INPP4B: variants seen among roughly 807,000 people sequenced by gnomAD.
INPP4B encodes the protein inositol polyphosphate-4-phosphatase type II B.
INPP4B carries 55 observed loss-of-function variants against 122.5 expected under a neutral mutation model. The observed-to-expected ratio is 0.45, with a 90% CI of 0.36 to 0.56. The LOEUF is 0.56. Among genes scored for constraint, INPP4B ranks in the 20% least tolerant of loss-of-function variants. INPP4B has a pLI of 0.00. For synonymous variants in INPP4B, 403 were observed against 388.7 expected, an observed-to-expected ratio of 1.04 and a Z score of -0.43; for missense variants, 1,000 against 1,097.7, an observed-to-expected ratio of 0.91 and a Z score of 1.26.
intron 1 of INPP4B, among the ~76,000 whole-genome samples, chr4:142,845,413 G>C (rs552286970): frequency 6.6e-6 from 1 of 152,286 alleles, no homozygotes; most frequent in South Asian, 2.1e-4. Context: ...CTGAGCGCCA[G>C]AGAGCTTGAG....
chr4:142,830,677 T>C (rs1287902120), intron 1 of INPP4B, among the ~76,000 whole-genome samples: 1 of 151,418 alleles, frequency 6.6e-6, no homozygotes, highest in Non-Finnish European at 1.5e-5. Flanking sequence ...AATGCAGAGG[T>C]TCAGGGCTTA....
intron 3 of INPP4B, among the ~76,000 whole-genome samples, chr4:142,458,259 T>A (rs1249388649): frequency 6.6e-6 from 1 of 152,024 alleles, no homozygotes; most frequent in Admixed American, 6.6e-5. Flanking sequence ...ATAGAAAAAG[T>A]CCAGTAAGTA....
At chr4:142,712,329 T>C (rs13115869) in intron 2 of INPP4B, among the ~76,000 whole-genome samples, 3,999 of 152,314 alleles carry the variant, frequency 0.026, 61 homozygotes, top group South Asian at 0.049. Flanking sequence ...CTGAAATTAA[T>C]AGCCAGGTCT....
intron 16 of INPP4B, among the ~76,000 whole-genome samples, chr4:142,170,491 C>G (rs1825090582): frequency 6.6e-6 from 1 of 151,728 alleles, no homozygotes; most frequent in Non-Finnish European, 1.5e-5. Flanking sequence ...CTCACAGAAT[C>G]TGGAGCCAAA....
intron 3 of INPP4B, among the ~76,000 whole-genome samples, chr4:142,443,439 C>T (rs1264881330): frequency 6.6e-6 from 1 of 152,072 alleles, no homozygotes; most frequent in African/African-American, 2.4e-5. Context: ...TAGGTGAAGA[C>T]TCATTGAAAT....
chr4:142,572,332 A>G (rs1426310685), intron 2 of INPP4B, among the ~76,000 whole-genome samples: 2 of 152,134 alleles, frequency 1.3e-5, no homozygotes, highest in African/African-American at 4.8e-5. Context: ...ACCTGCAGAG[A>G]GAGCTGTGGG....
intron 12 of INPP4B, among the ~76,000 whole-genome samples, chr4:142,225,929 G>A (rs962361734): frequency 6.6e-6 from 1 of 152,098 alleles, no homozygotes; most frequent in African/African-American, 2.4e-5. Flanking sequence ...TCTCTCATCT[G>A]AACATATAAA....
chr4:142,397,059 C>A (rs935659669), intron 7 of INPP4B, among the ~76,000 whole-genome samples: 1 of 152,104 alleles, frequency 6.6e-6, no homozygotes, highest in South Asian at 2.1e-4. Flanking sequence ...TAAGATTTGA[C>A]CAGTTTGTTA....
intron 7 of INPP4B, among the ~76,000 whole-genome samples, chr4:142,323,736 C>T (rs114347045): frequency 0.011 from 1,741 of 151,624 alleles, 32 homozygotes; most frequent in African/African-American, 0.04. Context: ...TGAGCCACAG[C>T]GCCCAGCAGA....
intron 25 of INPP4B, among the ~76,000 whole-genome samples, chr4:142,061,883 CACAT>C (rs1399584284): frequency 3.4e-4 from 4 of 11,666 alleles, no homozygotes; most frequent in Admixed American, 1.5e-3. Context: ...CACACACACA[CACAT>C]ATATATATAT....
At chr4:142,664,104 T>C (rs1755641464) in intron 2 of INPP4B, among the ~76,000 whole-genome samples, 1 of 152,296 alleles carries the variant, frequency 6.6e-6, no homozygotes, top group African/African-American at 2.4e-5. Context: ...ATTTGAGGGA[T>C]CTACCTGGCC....
chr4:142,649,632 TAATGA>T (rs1434087848), intron 2 of INPP4B, among the ~76,000 whole-genome samples: 2 of 152,018 alleles, frequency 1.3e-5, no homozygotes, highest in East Asian at 3.9e-4. Flanking sequence ...AAGATCAAAT[TAATGA>T]AATGAAGTGA....
chr4:142,826,122 A>C (rs1281725625), intron 1 of INPP4B, among the ~76,000 whole-genome samples: 1 of 152,160 alleles, frequency 6.6e-6, no homozygotes, highest in Non-Finnish European at 1.5e-5. Context: ...AAATTCATCC[A>C]TGAAATATAT....
chr4:142,588,716 C>A (rs1240753280), intron 2 of INPP4B, among the ~76,000 whole-genome samples: 2 of 151,422 alleles, frequency 1.3e-5, no homozygotes, highest in Non-Finnish European at 3.0e-5. Context: ...GAAAAGATAT[C>A]CCATGCTCAT....
chr4:142,132,327 T>C (rs1041186908), intron 18 of INPP4B, among the ~76,000 whole-genome samples: 6 of 152,042 alleles, frequency 3.9e-5, no homozygotes, highest in African/African-American at 7.2e-5. Flanking sequence ...GAGGGCAGGC[T>C]CTGGAGCCAG....
rs142536470 is a variant in INPP4B, at chr4:142,217,625, C to T, written c.837-8599G>A. Reference sequence around the variant, plus strand: ...AAAATTTATCTTCATATGGCATTTCCTATTGTGATGGTTAATTGTACATAT... The same window carrying T: ...AAAATTTATCTTCATATGGCATTTCTTATTGTGATGGTTAATTGTACATAT... On this transcript the variant is annotated intron_variant, in intron 12 of 25. Coordinates refer to ENST00000262992, the MANE Select transcript of INPP4B (RefSeq NM_001101669.3). Among the ~76,000 whole-genome samples the T allele has an allele frequency of 4.2e-3, 643 of 152,248 alleles. 17 individuals are homozygous for T. Among genetic ancestry groups the T allele is most frequent in the Admixed American group, 0.038 (576 of 15,278 alleles).
intron 2 of INPP4B, among the ~76,000 whole-genome samples, chr4:142,591,916 G>A (rs1484495652): frequency 6.6e-6 from 1 of 152,096 alleles, no homozygotes; most frequent in African/African-American, 2.4e-5. Flanking sequence ...AGGGATATAT[G>A]ATGATTAAAT....
chr4:142,268,877 GT>G (rs201004642), intron 10 of INPP4B, among the ~76,000 whole-genome samples: 123 of 152,166 alleles, frequency 8.1e-4, no homozygotes, highest in African/African-American at 2.7e-3. Flanking sequence ...AACTGCCTTT[GT>G]TTTTTTCCCC....
Position 142,533,070 on chromosome 4 carries a change from G to C in INPP4B, c.-190-70344C>G, listed in dbSNP as rs548338782. Among the ~76,000 whole-genome samples, 39 of 152,216 alleles carry C rather than the reference G, an allele frequency of 2.6e-4. 1 individual carries two copies. In the South Asian group the frequency reaches 7.3e-3, roughly 28 times the overall value. ...GGTCTCAGTTAAAATAAGTGAATCA[G>C]AAAAACATTCCAGTACTATAGTGCC... is the stretch of plus-strand genomic sequence containing the variant. On this transcript the variant is annotated intron_variant, in intron 2 of 25. Coordinates refer to ENST00000262992, the MANE Select transcript of INPP4B (RefSeq NM_001101669.3).
Sources: gnomAD v4.1 joint callset for allele counts (sites outside exome capture counted in the v4.1 genomes callset) on GRCh38, gnomAD v4.1.1 for gene constraint, MANE v1.5 for transcripts, NCBI Gene and HGNC (gene_info 2026-07-23, HGNC 2026-07-21) for gene names.